Variants in CHRM2 observed in about 807,000 individuals in gnomAD.
CHRM2 encodes muscarinic acetylcholine receptor M2.
CHRM2 carries 8 observed loss-of-function variants against 25.0 expected under a neutral mutation model. The observed-to-expected ratio is 0.32, with a 90% confidence interval of 0.19 to 0.58. CHRM2 has a LOEUF of 0.58. CHRM2 is among the 20% of genes least tolerant of loss of function. CHRM2 has a pLI of 0.88. For missense variants in CHRM2, 440 were observed against 567.1 expected (o/e 0.78, Z 2.28); for synonymous variants, 202 against 205.7 (o/e 0.98, Z 0.15).
At chr7:136,903,080 A>G in intron 2 of CHRM2, 1 of 521,808 alleles carries the variant, frequency 1.9e-6, no homozygotes, top group South Asian at 1.4e-5. Context: ...CACAGAAGAC[A>G]AACAACAGAA....
chr7:136,969,154 C>G (rs1260673273), intron 2 of CHRM2, among the ~76,000 whole-genome samples: 1 of 152,078 alleles, frequency 6.6e-6, no homozygotes. Context: ...TCTTAAATAG[C>G]TGCAGGACAC....
chr7:136,971,393 A>G (rs1186358135), intron 2 of CHRM2, among the ~76,000 whole-genome samples: 1 of 152,120 alleles, frequency 6.6e-6, no homozygotes, highest in Non-Finnish European at 1.5e-5. Flanking sequence ...AGGCAGGGGG[A>G]TCACCTGAGG....
intron 2 of CHRM2, among the ~76,000 whole-genome samples, chr7:136,918,329 T>C (rs1411426461): frequency 6.6e-6 from 1 of 152,124 alleles, no homozygotes; most frequent in Non-Finnish European, 1.5e-5. Flanking sequence ...TTTGATGAAA[T>C]TGTGACTTAA....
intron 2 of CHRM2, among the ~76,000 whole-genome samples, chr7:136,874,976 C>T (rs1414737639): frequency 1.3e-5 from 2 of 149,546 alleles, no homozygotes; most frequent in Non-Finnish European, 3.0e-5. Flanking sequence ...TTTAAGACTT[C>T]TAAATGGAAG....
At chr7:136,973,121 G>A (rs1489000372) in intron 2 of CHRM2, among the ~76,000 whole-genome samples, 3 of 64,208 alleles carry the variant, frequency 4.7e-5, no homozygotes, top group Admixed American at 2.9e-4. Flanking sequence ...ACGGTGTTAG[G>A]GATGGTGGCA....
intron 2 of CHRM2, among the ~76,000 whole-genome samples, chr7:136,967,322 T>C (rs956882258): frequency 6.6e-6 from 1 of 151,996 alleles, no homozygotes; most frequent in Non-Finnish European, 1.5e-5. Flanking sequence ...TCAATTAGCA[T>C]TTTATCAATA....
chr7:136,881,412 C>A (rs558010808), intron 2 of CHRM2, among the ~76,000 whole-genome samples: 1 of 151,716 alleles, frequency 6.6e-6, no homozygotes, highest in South Asian at 2.1e-4. Context: ...AAATGTTTTG[C>A]CATGCTTCTT....
At chr7:136,892,510 C>A (rs576674904) in intron 2 of CHRM2, among the ~76,000 whole-genome samples, 3 of 152,002 alleles carry the variant, frequency 2.0e-5, no homozygotes, top group East Asian at 3.9e-4. Flanking sequence ...GAGTCTAAGT[C>A]TAAAAACAAC....
rs1378587659 is a variant in CHRM2, at chr7:137,017,714, G to T, written c.*1448G>T. The T allele has an allele frequency of 6.6e-6, 1 of 151,888 alleles. No individual in the cohort carries two copies. The highest frequency in any genetic ancestry group is 2.4e-5 in the African/African-American group (1 of 41,410). The allele number at this position is 151,888 out of a possible 1,614,324, so 9.4% of individuals were successfully genotyped here. A position where few individuals can be genotyped will look rare whatever the true frequency, so the allele number is the denominator to read the frequency against. Reference sequence around the variant, plus strand: ...GAAATGTAGTGGCTAACTAAATAGAGGCCAAACGAGCTTACAGAATCTGAC... The same window carrying T: ...GAAATGTAGTGGCTAACTAAATAGATGCCAAACGAGCTTACAGAATCTGAC... On this transcript the variant is annotated 3_prime_UTR_variant, in exon 4 of 4. Coordinates refer to ENST00000680005, the MANE Select transcript of CHRM2 (RefSeq NM_001006630.2).
At chr7:136,916,732 CTA>C (rs925272157) in intron 2 of CHRM2, among the ~76,000 whole-genome samples, 7 of 150,946 alleles carry the variant, frequency 4.6e-5, no homozygotes, top group African/African-American at 1.5e-4. Flanking sequence ...ATGCTATGTA[CTA>C]TGTTATATTA....
chr7:136,903,074 G>C, intron 2 of CHRM2: 1 of 519,912 alleles, frequency 1.9e-6, no homozygotes, highest in Non-Finnish European at 3.9e-6. Context: ...TTCTGACACA[G>C]AAGACAAACA....
At chr7:136,902,912 T>C (rs1797309927) in intron 2 of CHRM2, 1 of 344,974 alleles carries the variant, frequency 2.9e-6, no homozygotes, top group Admixed American at 4.1e-5. Context: ...AGGTACACAT[T>C]ATTTGCAAGT....
chr7:136,998,655 A>G (rs1003704811), intron 3 of CHRM2, among the ~76,000 whole-genome samples: 5 of 152,206 alleles, frequency 3.3e-5, no homozygotes, highest in Non-Finnish European at 5.9e-5. Context: ...TATCACATGC[A>G]CATGCCTTTT....
At chr7:136,904,244 TTGAA>T (rs1265608591) in intron 2 of CHRM2, among the ~76,000 whole-genome samples, 1 of 151,928 alleles carries the variant, frequency 6.6e-6, no homozygotes, top group Non-Finnish European at 1.5e-5. Flanking sequence ...CTCTAAATGT[TTGAA>T]TGGCCCTTCC....
intron 2 of CHRM2, among the ~76,000 whole-genome samples, chr7:136,968,988 G>C (rs1801594257): frequency 6.6e-6 from 1 of 151,862 alleles, no homozygotes; most frequent in Admixed American, 6.6e-5. Flanking sequence ...TCACTCATCA[G>C]AGCCTGTGTG....
chr7:136,923,151 C>T (rs12532092), intron 2 of CHRM2, among the ~76,000 whole-genome samples: 36,161 of 151,810 alleles, frequency 0.24, 5,659 homozygotes, highest in Non-Finnish European at 0.35. Flanking sequence ...AAGATATTTT[C>T]TTTAAGTCAT....
chr7:137,004,937 C>T (rs541620197), intron 3 of CHRM2, among the ~76,000 whole-genome samples: 4 of 152,094 alleles, frequency 2.6e-5, no homozygotes, highest in South Asian at 2.1e-4. Context: ...TTTTGTCTTT[C>T]GACTGGAAAC....
chr7:136,875,067 GTA>G (rs1272091362), intron 2 of CHRM2, among the ~76,000 whole-genome samples: 1 of 147,050 alleles, frequency 6.8e-6, no homozygotes, highest in Non-Finnish European at 1.5e-5. Context: ...GTGTATGTGT[GTA>G]TATATATACA....
intron 2 of CHRM2, among the ~76,000 whole-genome samples, chr7:136,900,566 A>G (rs79000491): frequency 0.02 from 3,085 of 152,066 alleles, 103 homozygotes; most frequent in African/African-American, 0.07. Context: ...GGGGATGTGA[A>G]AAGGGAAGAA....
Sources: gnomAD v4.1 joint callset for allele counts (sites outside exome capture counted in the v4.1 genomes callset) on GRCh38, gnomAD v4.1.1 for gene constraint, MANE v1.5 for transcripts, NCBI Gene and HGNC (gene_info 2026-07-23, HGNC 2026-07-21) for gene names.